The following COL11A1 variants were observed in gnomAD, a reference collection of about 807,000 sequenced individuals.
The protein encoded by COL11A1 is collagen alpha-1(XI) chain.
Under a neutral mutation model 265.2 loss-of-function variants are expected in COL11A1, and 74 were observed. The ratio of observed to expected loss-of-function variants is 0.28; its 90% CI spans 0.23 to 0.34. COL11A1 has a LOEUF of 0.34. Among genes scored for constraint, COL11A1 ranks in the 10% least tolerant of loss-of-function variants. COL11A1 has a pLI of 1.00. For missense variants in COL11A1, 2,165 were observed against 2,263.6 expected, an observed-to-expected ratio of 0.96 and a Z score of 0.88; for synonymous variants, 816 against 727.6, an observed-to-expected ratio of 1.12 and a Z score of -1.96.
rs542373715 is a variant in COL11A1 at position 102,937,945 on chromosome 1, C to T, written c.3438+1090G>A. ...CGGTTTTCTGTACACAATTTCTTGT[C>T]ATAATTTTACAGCATGGATCTGGAG... On this transcript the variant is annotated intron_variant, in intron 44 of 66. Transcript: ENST00000370096. 1.9e-4 allele frequency among the ~76,000 whole-genome samples: 29 copies of T among 152,308 alleles called. No individual in the cohort carries two copies. In the South Asian group the frequency reaches 2.9e-3, roughly 15 times the overall value.
chr1:102,900,923 C>T (rs1163212696), intron 54 of COL11A1, among the ~76,000 whole-genome samples: 2 of 152,006 alleles, frequency 1.3e-5, no homozygotes, highest in Admixed American at 6.6e-5. Flanking sequence ...AAAATGACGA[C>T]AAAAGCAGAT....
In COL11A1 at chr1:102,989,466, T is replaced by A. The variant is rs374158073; in HGVS notation, c.2394+52A>T. 6,762 of 999,896 alleles carry A rather than the reference T, an allele frequency of 6.8e-3. 36 individuals are homozygous for A. The highest frequency in any genetic ancestry group is 0.021 in the South Asian group (1,114 of 54,230). The allele number at this position is 999,896 out of a possible 1,614,324, so 61.9% of individuals were successfully genotyped here. A position where few individuals can be genotyped will look rare whatever the true frequency, so the allele number is the denominator to read the frequency against. ...ATTTAAAGATAAGCAAAGGAAAAAA[T>A]ATATATATATATTAAATTTTGTGTA... On this transcript the variant is annotated intron_variant, in intron 29 of 66. Coordinates refer to ENST00000370096, the MANE Select transcript of COL11A1 (RefSeq NM_001854.4).
At chr1:103,028,193 G>C (rs1043531914) in intron 5 of COL11A1, among the ~76,000 whole-genome samples, 2 of 152,014 alleles carry the variant, frequency 1.3e-5, no homozygotes, top group South Asian at 2.1e-4. Context: ...ACCATGCCCG[G>C]CTAATTTTTT....
At chr1:102,959,937 A>G (rs1479534822) in intron 41 of COL11A1, among the ~76,000 whole-genome samples, 1 of 152,164 alleles carries the variant, frequency 6.6e-6, no homozygotes, top group Non-Finnish European at 1.5e-5. Context: ...AACATCATTT[A>G]TTCCTAGAAG....
intron 37 of COL11A1, among the ~76,000 whole-genome samples, chr1:102,967,235 T>TTTTTTC (rs1661498298): frequency 1.4e-5 from 1 of 72,322 alleles, no homozygotes; most frequent in African/African-American, 4.3e-5. Flanking sequence ...TTCTTTTTTT[T>TTTTTTC]TTTTTTTTTT....
intron 4 of COL11A1, among the ~76,000 whole-genome samples, chr1:103,071,823 G>T (rs1671613440): frequency 3.6e-5 from 1 of 27,464 alleles, no homozygotes; most frequent in Non-Finnish European, 9.1e-5. Flanking sequence ...CACATTAATG[G>T]ATAATTAAGT....
At chr1:103,048,188 C>T (rs1361002524) in intron 4 of COL11A1, among the ~76,000 whole-genome samples, 1 of 152,162 alleles carries the variant, frequency 6.6e-6, no homozygotes, top group Admixed American at 6.6e-5. Context: ...GTACCAGCTC[C>T]TCCTTGTACC....
At chr1:102,964,153 T>A (rs1396380891) in intron 38 of COL11A1, among the ~76,000 whole-genome samples, 1 of 152,178 alleles carries the variant, frequency 6.6e-6, no homozygotes, top group Non-Finnish European at 1.5e-5. Flanking sequence ...TGAACAGAAT[T>A]GTATTTTTGA....
At chr1:102,900,608 T>C (rs373974258) in intron 54 of COL11A1, among the ~76,000 whole-genome samples, 1 of 152,100 alleles carries the variant, frequency 6.6e-6, no homozygotes, top group Non-Finnish European at 1.5e-5. Context: ...GATATATCAA[T>C]ACATGGCTTT....
chr1:102,995,757 G>T, intron 28 of COL11A1, 107 bp downstream of exon 28: 1 of 897,080 alleles, frequency 1.1e-6, no homozygotes, highest in South Asian at 1.4e-5. Flanking sequence ...GCATTGCGTA[G>T]TATGTAGTAA....
chr1:103,017,687 C>T, intron 11 of COL11A1, 133 bp downstream of exon 11: 1 of 762,548 alleles, frequency 1.3e-6, no homozygotes, highest in Non-Finnish European at 2.4e-6. Flanking sequence ...AAATGTTGTG[C>T]AGCACTGAAT....
At chr1:102,932,809 C>T (rs1026554717) in intron 46 of COL11A1, among the ~76,000 whole-genome samples, 7 of 151,754 alleles carry the variant, frequency 4.6e-5, no homozygotes, top group African/African-American at 1.7e-4. Context: ...TCTTTTTTCT[C>T]TAAACTTCCC....
At chr1:102,987,609 G>T in intron 30 of COL11A1, 24 bp downstream of exon 30, 1 of 1,548,704 alleles carries the variant, frequency 6.5e-7, no homozygotes, top group South Asian at 1.1e-5. Flanking sequence ...AAGAGTACCA[G>T]TGAATTTAAA....
chr1:103,096,990 C>A (rs1286524191), intron 1 of COL11A1, among the ~76,000 whole-genome samples: 2 of 151,942 alleles, frequency 1.3e-5, no homozygotes, highest in Non-Finnish European at 2.9e-5. Context: ...ATGACCATAG[C>A]TCCATATAAA....
chr1:103,008,519 A>G lies in COL11A1; in HGVS notation c.1630-3T>C, dbSNP rs780935690. 3.1e-6 allele frequency: 5 copies of G among 1,613,322 alleles called. No individual in the cohort carries two copies. The Admixed American group carries it at 5.0e-5, about 16-fold the overall frequency. ...GCCCCAGATGAACCAGGCCCCCCCT[A>G]TAGAGAAAAAGTGAAGATATTTCAC... On this transcript the variant is annotated splice_region_variant and splice_polypyrimidine_tract_variant and intron_variant, in intron 14 of 66. Transcript: ENST00000370096.
intron 1 of COL11A1, among the ~76,000 whole-genome samples, chr1:103,090,574 T>C (rs913406010): frequency 6.6e-6 from 1 of 152,178 alleles, no homozygotes; most frequent in African/African-American, 2.4e-5. Context: ...CCAAATTCAG[T>C]AGTTATTATT....
intron 53 of COL11A1, among the ~76,000 whole-genome samples, chr1:102,913,218 T>TA (rs1456690085): frequency 6.6e-6 from 1 of 150,992 alleles, no homozygotes; most frequent in African/African-American, 2.4e-5. Flanking sequence ...AAGTTTTTTT[T>TA]AAAAAGGCCT....
At chr1:102,905,305 A>G (rs1258069502) in intron 54 of COL11A1, among the ~76,000 whole-genome samples, 1 of 151,224 alleles carries the variant, frequency 6.6e-6, no homozygotes, top group Non-Finnish European at 1.5e-5. Flanking sequence ...GCACACCAAC[A>G]TGGCACATGT....
At chr1:102,902,492 T>G (rs2100950971) in intron 54 of COL11A1, among the ~76,000 whole-genome samples, 1 of 152,224 alleles carries the variant, frequency 6.6e-6, no homozygotes, top group South Asian at 2.1e-4. Context: ...TTAAAAACAT[T>G]AATATTTAAA....
Sources: gnomAD v4.1 joint callset for allele counts (sites outside exome capture counted in the v4.1 genomes callset) on GRCh38, gnomAD v4.1.1 for gene constraint, MANE v1.5 for transcripts, NCBI Gene and HGNC (gene_info 2026-07-23, HGNC 2026-07-21) for gene names.